The following SDK1 variants were observed in gnomAD, a reference collection of about 807,000 sequenced individuals.
SDK1 encodes sidekick cell adhesion molecule 1.
In SDK1, 157 loss-of-function variants were observed where a neutral mutation model predicts 245.5. That is an observed-to-expected ratio of 0.64 (90% CI 0.56 to 0.73). The LOEUF is 0.73. SDK1 is among the 30% of genes least tolerant of loss of function. SDK1 has a pLI of 0.00. For synonymous variants in SDK1, 1,647 were observed against 1,278.5 expected, an observed-to-expected ratio of 1.29 and a Z score of -6.15; for missense variants, 3,583 against 3,002.3, an observed-to-expected ratio of 1.19 and a Z score of -4.52.
intron 1 of SDK1, among the ~76,000 whole-genome samples, chr7:3,319,878 C>CTTTTTTTGTTTTTTTTTTTTT (rs1779755170): frequency 1.1e-5 from 1 of 88,102 alleles, no homozygotes; most frequent in East Asian, 3.4e-4. Context: ...CATTCTTAGT[C>CTTTTTTTGTTTTTTTTTTTTT]TTTTTTTTTT....
intron 7 of SDK1, among the ~76,000 whole-genome samples, chr7:3,954,651 G>A (rs1194176895): frequency 8.0e-5 from 8 of 99,950 alleles, no homozygotes; most frequent in South Asian, 4.2e-4. Flanking sequence ...TACACCCTCC[G>A]CTTCCGTCCC....
At chr7:3,555,470 G>T (rs1380329262) in intron 1 of SDK1, among the ~76,000 whole-genome samples, 2 of 152,122 alleles carry the variant, frequency 1.3e-5, no homozygotes, top group African/African-American at 4.8e-5. Context: ...TATGAAACTA[G>T]TAAAAGAAAA....
At chr7:3,645,043 A>G (rs1190690339) in intron 4 of SDK1, among the ~76,000 whole-genome samples, 4 of 152,274 alleles carry the variant, frequency 2.6e-5, no homozygotes, top group Non-Finnish European at 2.9e-5. Flanking sequence ...AGCAGCAAAT[A>G]AGTCTGTATT....
chr7:3,604,330 G>A (rs1361526199), intron 1 of SDK1, among the ~76,000 whole-genome samples: 1 of 152,058 alleles, frequency 6.6e-6, no homozygotes, highest in African/African-American at 2.4e-5. Context: ...ACTTTTCTCT[G>A]TCCCTTTTTA....
chr7:3,636,745 T>C (rs530558172), intron 2 of SDK1, among the ~76,000 whole-genome samples: 7 of 152,294 alleles, frequency 4.6e-5, no homozygotes, highest in African/African-American at 1.4e-4. Flanking sequence ...CATGTGGTCA[T>C]TGTGTGTGTA....
intron 5 of SDK1, 78 bp downstream of exon 5, chr7:3,821,661 C>G: frequency 6.7e-7 from 1 of 1,483,726 alleles, no homozygotes; most frequent in Non-Finnish European, 9.2e-7. Flanking sequence ...TCTGACAGGA[C>G]ATTTTGCAAT....
At chr7:3,989,010 C>G (rs1199942991) in intron 14 of SDK1, among the ~76,000 whole-genome samples, 1 of 152,206 alleles carries the variant, frequency 6.6e-6, no homozygotes, top group Non-Finnish European at 1.5e-5. Flanking sequence ...CCACCTTGGC[C>G]TCCCAAAGTG....
intron 2 of SDK1, among the ~76,000 whole-genome samples, chr7:3,637,242 C>T (rs1021485130): frequency 6.6e-6 from 1 of 152,044 alleles, no homozygotes; most frequent in Admixed American, 6.6e-5. Context: ...GGATTACAGG[C>T]GTGTGCCACC....
At chr7:3,614,717 C>T (rs921919233) in intron 1 of SDK1, among the ~76,000 whole-genome samples, 1 of 152,158 alleles carries the variant, frequency 6.6e-6, no homozygotes, top group Non-Finnish European at 1.5e-5. Flanking sequence ...AAGTGCTATT[C>T]CCCACCTTGG....
At chr7:3,920,859 A>G (rs982165842) in intron 5 of SDK1, among the ~76,000 whole-genome samples, 2 of 152,304 alleles carry the variant, frequency 1.3e-5, no homozygotes, top group African/African-American at 4.8e-5. Flanking sequence ...GGATCTCGCA[A>G]TTGAGTGCTG....
intron 1 of SDK1, among the ~76,000 whole-genome samples, chr7:3,450,535 GT>G (rs1246017425): frequency 3.3e-5 from 5 of 152,184 alleles, no homozygotes; most frequent in Non-Finnish European, 5.9e-5. Context: ...TAGATTTCTA[GT>G]TTGGAACAAG....
rs547520476 is a variant in SDK1, at chr7:4,056,876, C to T, written c.2911+5046C>T. The stretch of plus-strand genomic sequence containing the variant: ...TGCTCCGGGTCCCGACAGACCATTC[C>T]GCCCCGGCTCCCGACAGCCTCTGCA... On this transcript the variant is annotated intron_variant, in intron 19 of 44. Transcript: ENST00000404826. Among the ~76,000 whole-genome samples the T allele has an allele frequency of 1.6e-4, 24 of 152,196 alleles. No homozygotes were observed. The East Asian group carries it at 3.5e-3, about 22-fold the overall frequency.
intron 1 of SDK1, among the ~76,000 whole-genome samples, chr7:3,494,047 A>AT (rs201456950): frequency 6.5e-4 from 98 of 149,688 alleles, no homozygotes; most frequent in Middle Eastern, 6.8e-3. Flanking sequence ...GAAAAGTCAG[A>AT]TTTTTTTTTT....
intron 35 of SDK1, among the ~76,000 whole-genome samples, chr7:4,180,013 ACTT>A (rs1562398127): frequency 6.6e-6 from 1 of 152,016 alleles, no homozygotes; most frequent in Non-Finnish European, 1.5e-5. Flanking sequence ...GGCTCAGGGC[ACTT>A]GGGCAGGCCC....
intron 1 of SDK1, among the ~76,000 whole-genome samples, chr7:3,446,337 TTTGAG>T (rs1436964619): frequency 6.6e-6 from 1 of 152,168 alleles, no homozygotes; most frequent in Non-Finnish European, 1.5e-5. Context: ...TTTAGAAATG[TTTGAG>T]TTAAGGTATG....
chr7:4,071,574 G>C (rs531699722), intron 20 of SDK1, among the ~76,000 whole-genome samples: 35 of 152,332 alleles, frequency 2.3e-4, no homozygotes, highest in African/African-American at 7.7e-4. Flanking sequence ...GAACTGAGCA[G>C]GGGAGGGCAC....
chr7:3,349,666 C>T (rs1397246103), intron 1 of SDK1, among the ~76,000 whole-genome samples: 2 of 152,100 alleles, frequency 1.3e-5, no homozygotes, highest in Non-Finnish European at 2.9e-5. Flanking sequence ...GTGGTAAGAT[C>T]TCGGCTCACT....
intron 1 of SDK1, among the ~76,000 whole-genome samples, chr7:3,497,795 G>C (rs1419602148): frequency 6.6e-6 from 1 of 152,028 alleles, no homozygotes; most frequent in African/African-American, 2.4e-5. Flanking sequence ...AAATAAAAAC[G>C]CACACAATAA....
chr7:3,669,247 G>A (rs560454108), intron 4 of SDK1, among the ~76,000 whole-genome samples: 2 of 152,310 alleles, frequency 1.3e-5, no homozygotes, highest in Admixed American at 6.5e-5. Flanking sequence ...CAGTGTAGGA[G>A]CAGAGGGGAT....
Sources: allele counts gnomAD v4.1 joint callset (sites outside exome capture counted in the v4.1 genomes callset), GRCh38; gene constraint gnomAD v4.1.1; transcripts MANE v1.5; gene names NCBI Gene and HGNC (gene_info 2026-07-23, HGNC 2026-07-21).